RNF38: variants seen among roughly 807,000 people sequenced by gnomAD.
The protein encoded by RNF38 is ring finger protein 38.
Under a neutral mutation model 67.2 loss-of-function variants are expected in RNF38, and 15 were observed. That is an observed-to-expected ratio of 0.22 (90% CI 0.15 to 0.34). The LOEUF (loss-of-function observed/expected upper bound fraction) is 0.34, where lower values mean the gene tolerates loss of function less well. Ranked by LOEUF, RNF38 falls within the 10% of genes least tolerant of loss-of-function variation. The probability of loss-of-function intolerance (pLI) is 1.00; values close to 1 mark genes in which losing one functional copy is unlikely to be tolerated. For missense variants in RNF38, 524 were observed against 639.9 expected (o/e 0.82, Z 1.95); for synonymous variants, 220 against 218.8 (o/e 1.01, Z -0.05).
chr9:36,358,046 G>T, intron 4 of RNF38, 104 bp from the exon 5 acceptor site: 2 of 849,868 alleles, frequency 2.4e-6, no homozygotes, highest in Non-Finnish European at 3.7e-6. Flanking sequence ...TCAGCTACAC[G>T]GATTTTCACA....
intron 2 of RNF38, among the ~76,000 whole-genome samples, chr9:36,419,327 T>C (rs894404618): frequency 2.0e-5 from 3 of 152,200 alleles, no homozygotes; most frequent in African/African-American, 7.2e-5. Context: ...ACAAGCTGGA[T>C]GGGTGCTTTT....
chr9:36,478,379 G>C (rs774183222), intron 1 of RNF38, among the ~76,000 whole-genome samples: 39 of 147,512 alleles, frequency 2.6e-4, no homozygotes, highest in Non-Finnish European at 5.1e-4. Context: ...ACTCCAGCCT[G>C]GGGGAGAGAG....
At chr9:36,477,479 C>T (rs940333799) in intron 1 of RNF38, among the ~76,000 whole-genome samples, 3 of 151,914 alleles carry the variant, frequency 2.0e-5, no homozygotes, top group African/African-American at 4.8e-5. Flanking sequence ...AGTTCGAGAC[C>T]AGCCTAGGCA....
chr9:36,390,725 G>T, intron 1 of RNF38, 109 bp from the exon 2 acceptor site: 2 of 1,103,466 alleles, frequency 1.8e-6, no homozygotes, highest in South Asian at 1.6e-5. Flanking sequence ...GATTCTGCTA[G>T]CGAAGACAGG....
At chr9:36,354,449 G>A (rs986850102) in intron 6 of RNF38, among the ~76,000 whole-genome samples, 6 of 152,056 alleles carry the variant, frequency 3.9e-5, no homozygotes, top group African/African-American at 1.2e-4. Flanking sequence ...AATCCACCGC[G>A]CACGGCCCAG....
chr9:36,428,100 A>T (rs1469313876), intron 1 of RNF38, among the ~76,000 whole-genome samples: 1 of 151,908 alleles, frequency 6.6e-6, no homozygotes, highest in African/African-American at 2.4e-5. Flanking sequence ...GCCTGAAGAG[A>T]CTAAGGCAGG....
chr9:36,425,886 C>T (rs1838757075), intron 1 of RNF38, among the ~76,000 whole-genome samples: 1 of 152,134 alleles, frequency 6.6e-6, no homozygotes, highest in Non-Finnish European at 1.5e-5. Context: ...TTAGTAGAGA[C>T]GGGGTTTCGC....
intron 1 of RNF38, among the ~76,000 whole-genome samples, chr9:36,478,497 G>C (rs901074981): frequency 2.8e-5 from 4 of 143,048 alleles, no homozygotes; most frequent in African/African-American, 1.0e-4. Flanking sequence ...AAATCACTTC[G>C]CAAAAATGTA....
At chr9:36,438,324 GT>G (rs900848568) in intron 1 of RNF38, among the ~76,000 whole-genome samples, 6 of 151,990 alleles carry the variant, frequency 3.9e-5, no homozygotes, top group African/African-American at 1.5e-4. Flanking sequence ...TGTCCAACCC[GT>G]GACCCATGGG....
intron 9 of RNF38, among the ~76,000 whole-genome samples, chr9:36,349,954 G>C (rs924354328): frequency 2.6e-5 from 4 of 152,098 alleles, no homozygotes; most frequent in Admixed American, 6.5e-5. Context: ...GAGTAGCTGG[G>C]ATTACAGGCA....
At chr9:36,409,517 TCTTA>T (rs964307539) in intron 2 of RNF38, among the ~76,000 whole-genome samples, 82 of 152,262 alleles carry the variant, frequency 5.4e-4, no homozygotes, top group African/African-American at 1.6e-3. Flanking sequence ...TGCCTGAACG[TCTTA>T]CTATTTCCAT....
chr9:36,383,718 AATGTTGTTTTCAAAAGTTACC>A lies in RNF38; in HGVS notation c.162+6728_162+6748del, dbSNP rs1305342466. Among the ~76,000 whole-genome samples the A allele has an allele frequency of 9.3e-4, 141 of 152,258 alleles. 1 individual carries two copies. Among genetic ancestry groups the A allele is most frequent in the African/African-American group, 3.2e-3 (132 of 41,546 alleles). On this transcript the variant is annotated intron_variant, in intron 2 of 11. Coordinates refer to ENST00000259605, the MANE Select transcript of RNF38 (RefSeq NM_022781.5). The stretch of plus-strand genomic sequence containing the variant: ...ACTTGCAGATATAGAAGAGGCTCTG[AATGTTGTTTTCAAAAGTTACC>A]ATGTTGTTTTCAAAAGTTACCATAA...
At chr9:36,365,260 CTCTCATTTAAATAA>C in intron 4 of RNF38, among the ~76,000 whole-genome samples, 2 of 152,036 alleles carry the variant, frequency 1.3e-5, no homozygotes, top group East Asian at 3.9e-4. Context: ...CGAGTCAAAT[CTCTCATTTAAATAA>C]GTTTTCCTGT....
intron 3 of RNF38, among the ~76,000 whole-genome samples, chr9:36,373,840 G>A (rs1019822593): frequency 7.9e-5 from 12 of 151,690 alleles, no homozygotes; most frequent in Admixed American, 6.6e-5. Context: ...AGGCTGGAGT[G>A]CAATGCACAC....
chr9:36,424,951 G>C (rs185320848), intron 1 of RNF38, among the ~76,000 whole-genome samples: 2 of 152,042 alleles, frequency 1.3e-5, no homozygotes, highest in Non-Finnish European at 2.9e-5. Flanking sequence ...CTACTAGACC[G>C]AGTAGTCTGC....
chr9:36,442,693 C>G (rs1375433440), intron 1 of RNF38, among the ~76,000 whole-genome samples: 1 of 152,180 alleles, frequency 6.6e-6, no homozygotes, highest in African/African-American at 2.4e-5. Context: ...GAAGGAGAAT[C>G]ACTTGAACCT....
chr9:36,409,092 C>T (rs1235727141), intron 2 of RNF38, among the ~76,000 whole-genome samples: 2 of 152,004 alleles, frequency 1.3e-5, no homozygotes, highest in Non-Finnish European at 2.9e-5. Context: ...GAGGCTGAAG[C>T]AGGGGAATCA....
At position 36,365,662 on chromosome 9, in the gene RNF38, G is replaced by GTTTTT. The variant is rs759974775; in HGVS notation, c.570+4052_570+4056dup. Reference sequence around the variant, plus strand: ...TAAACCACTTTTGTTAAGACTGATAGTTTTTTTTTTTTTTTTTTTTTGAGA... The same window carrying GTTTTT: ...TAAACCACTTTTGTTAAGACTGATAGTTTTTTTTTTTTTTTTTTTTTTTTTTGAGA... On this transcript the variant is annotated intron_variant, in intron 4 of 11. Coordinates refer to ENST00000259605, the MANE Select transcript of RNF38 (RefSeq NM_022781.5). Among the ~76,000 whole-genome samples, 475 of 103,584 alleles carry GTTTTT rather than the reference G, an allele frequency of 4.6e-3. 52 individuals carry two copies. The highest frequency in any genetic ancestry group is 0.031 in the Middle Eastern group (3 of 98). 68.0% of individuals were successfully genotyped at this position (103,584 alleles called of 152,430 possible).
chr9:36,398,220 A>T (rs1030329285), intron 1 of RNF38, among the ~76,000 whole-genome samples: 1 of 152,198 alleles, frequency 6.6e-6, no homozygotes, highest in Non-Finnish European at 1.5e-5. Context: ...AGAAGATAAT[A>T]GGGCTCCATA....
Sources: gnomAD v4.1 joint callset for allele counts (sites outside exome capture counted in the v4.1 genomes callset) on GRCh38, gnomAD v4.1.1 for gene constraint, MANE v1.5 for transcripts, NCBI Gene and HGNC (gene_info 2026-07-23, HGNC 2026-07-21) for gene names.